The following SPMIP2 variants were observed in gnomAD, a reference collection of about 807,000 sequenced individuals.
The protein encoded by SPMIP2 is protein SPMIP2.
chr4:159,017,356 TACACACAC>T, the SPMIP2 span, among the ~76,000 whole-genome samples: 2 of 149,318 alleles, frequency 1.3e-5, no homozygotes, highest in South Asian at 2.1e-4. Context: ...CACAAACACA[TACACACAC>T]ACACACACAC....
chr4:158,969,728 G>T, the SPMIP2 span, among the ~76,000 whole-genome samples: 1 of 152,172 alleles, frequency 6.6e-6, no homozygotes, highest in Non-Finnish European at 1.5e-5. Flanking sequence ...AGACTCTATT[G>T]GAGGTGCCTG....
chr4:159,005,539 G>A, the SPMIP2 span, among the ~76,000 whole-genome samples: 4 of 152,110 alleles, frequency 2.6e-5, no homozygotes, highest in African/African-American at 7.2e-5. Context: ...GTTCTAACAA[G>A]TCTCCAGCTG....
chr4:159,020,734 C>T, the SPMIP2 span, among the ~76,000 whole-genome samples: 1 of 152,192 alleles, frequency 6.6e-6, no homozygotes, highest in Non-Finnish European at 1.5e-5. Flanking sequence ...TAAGCTAAGG[C>T]ACTCTGACGT....
chr4:159,075,774 C>T, the SPMIP2 span, among the ~76,000 whole-genome samples: 9 of 148,920 alleles, frequency 6.0e-5, no homozygotes, highest in Non-Finnish European at 8.8e-5. Context: ...TCAAGCAGAA[C>T]ATAATTTGAC....
chr4:159,057,864 GTTGT>G, the SPMIP2 span, among the ~76,000 whole-genome samples: 9 of 151,990 alleles, frequency 5.9e-5, no homozygotes, highest in Admixed American at 1.3e-4. Flanking sequence ...TTGTAAGTTG[GTTGT>G]TTGTTTGTTT....
chr4:158,948,889 C>G, the SPMIP2 span, among the ~76,000 whole-genome samples: 1 of 152,106 alleles, frequency 6.6e-6, no homozygotes, highest in Non-Finnish European at 1.5e-5. Context: ...CAGGCAAGAG[C>G]CACCGTGCCC....
At chr4:158,946,524 C>T in the SPMIP2 span, among the ~76,000 whole-genome samples, 2,134 of 152,200 alleles carry the variant, frequency 0.014, 46 homozygotes, top group African/African-American at 0.048. Flanking sequence ...TGGCACCTCC[C>T]CCCTGCCCCT....
chr4:159,076,005 T>C, the SPMIP2 span, among the ~76,000 whole-genome samples: 1 of 152,200 alleles, frequency 6.6e-6, no homozygotes, highest in Admixed American at 6.5e-5. Context: ...AGTTGGCTTT[T>C]AGTTTCTCTA....
the SPMIP2 span, among the ~76,000 whole-genome samples, chr4:159,041,759 C>T: frequency 3.3e-5 from 5 of 152,352 alleles, no homozygotes; most frequent in East Asian, 3.9e-4. Flanking sequence ...GCCTTTTTCA[C>T]TGATCAATGA....
the SPMIP2 span, among the ~76,000 whole-genome samples, chr4:159,075,589 G>T: frequency 1.3e-5 from 2 of 152,120 alleles, no homozygotes; most frequent in African/African-American, 4.8e-5. Context: ...TGAATCCTGT[G>T]TGATAATCTT....
chr4:159,004,005 G>GT, the SPMIP2 span, among the ~76,000 whole-genome samples: 3 of 151,622 alleles, frequency 2.0e-5, no homozygotes, highest in Admixed American at 6.6e-5. Context: ...TCCATTTTGG[G>GT]TTTTTTTTGT....
chr4:158,984,231 AAAG>A, the SPMIP2 span, among the ~76,000 whole-genome samples: 22 of 10,840 alleles, frequency 2.0e-3, no homozygotes, highest in Middle Eastern at 0.021. Context: ...CATTAGACAG[AAAG>A]TTAACAAGGA....
At chr4:159,041,798 CCAGA>C in the SPMIP2 span, among the ~76,000 whole-genome samples, 1 of 152,190 alleles carries the variant, frequency 6.6e-6, no homozygotes, top group Non-Finnish European at 1.5e-5. Context: ...TTACTATGTG[CCAGA>C]CACTGTGCTA....
At chr4:158,982,160 TAAG>T in the SPMIP2 span, among the ~76,000 whole-genome samples, 1 of 152,034 alleles carries the variant, frequency 6.6e-6, no homozygotes, top group South Asian at 2.1e-4. Flanking sequence ...ATCAATGCAA[TAAG>T]AAGAGCTAAA....
At chr4:158,977,168 T>G in the SPMIP2 span, among the ~76,000 whole-genome samples, 2 of 152,188 alleles carry the variant, frequency 1.3e-5, no homozygotes, top group Non-Finnish European at 1.5e-5. Context: ...TCAGAAGGAA[T>G]GGTACCAGCT....
chr4:158,942,940 G>T, the SPMIP2 span, among the ~76,000 whole-genome samples: 1 of 152,090 alleles, frequency 6.6e-6, no homozygotes, highest in African/African-American at 2.4e-5. Flanking sequence ...CAGGAATTAC[G>T]TTTTATTTTC....
chr4:158,929,021 G>A, the SPMIP2 span, among the ~76,000 whole-genome samples: 6 of 152,172 alleles, frequency 3.9e-5, no homozygotes, highest in African/African-American at 1.4e-4. Flanking sequence ...CCGAGCGTCC[G>A]TGGCTTCATT....
the SPMIP2 span, among the ~76,000 whole-genome samples, chr4:159,000,785 CTTG>C: frequency 6.6e-6 from 1 of 150,786 alleles, no homozygotes; most frequent in Non-Finnish European, 1.5e-5. Context: ...CGGTGCCTGG[CTTG>C]TCTGGCTCCC....
At chr4:159,011,376 A>G in the SPMIP2 span, among the ~76,000 whole-genome samples, 13 of 152,238 alleles carry the variant, frequency 8.5e-5, no homozygotes, top group South Asian at 2.1e-4. Context: ...TGAAGTATTT[A>G]GAGAGTGGTG....
Sources: allele counts gnomAD v4.1 joint callset (sites outside exome capture counted in the v4.1 genomes callset), GRCh38; gene constraint gnomAD v4.1.1; transcripts MANE v1.5; gene names NCBI Gene and HGNC (gene_info 2026-07-23, HGNC 2026-07-21).